Variants in HRK observed in about 807,000 individuals in gnomAD.
The protein encoded by HRK is harakiri, BCL2 interacting protein.
Under a neutral mutation model 5.9 loss-of-function variants are expected in HRK, and 6 were observed. The ratio of observed to expected loss-of-function variants is 1.02; its 90% CI spans 0.56 to 2.01. The LOEUF (loss-of-function observed/expected upper bound fraction) is 2.01, where lower values mean the gene tolerates loss of function less well. Among genes scored for constraint, HRK ranks in the 30% most tolerant of loss-of-function variants. The probability of loss-of-function intolerance (pLI) is 0.00; values close to 1 mark genes in which losing one functional copy is unlikely to be tolerated. For synonymous variants in HRK, 85 were observed against 65.1 expected, an observed-to-expected ratio of 1.31 and a Z score of -1.47; for missense variants, 133 against 128.3, an observed-to-expected ratio of 1.04 and a Z score of -0.18.
intron 1 of HRK, among the ~76,000 whole-genome samples, chr12:116,866,927 A>G (rs1179109019): frequency 6.6e-6 from 1 of 152,088 alleles, no homozygotes; most frequent in East Asian, 1.9e-4. Flanking sequence ...ATGTTATACT[A>G]TGCACATTCT....
At chr12:116,875,592 A>T (rs1432696470) in intron 1 of HRK, among the ~76,000 whole-genome samples, 1 of 152,084 alleles carries the variant, frequency 6.6e-6, no homozygotes, top group African/African-American at 2.4e-5. Flanking sequence ...CGCCCAGGCT[A>T]GAGTACAGTG....
chr12:116,877,411 G>T (rs1878975711), intron 1 of HRK, among the ~76,000 whole-genome samples: 1 of 152,070 alleles, frequency 6.6e-6, no homozygotes. Context: ...ACCCTGGAAG[G>T]ATACAGCTCC....
At chr12:116,873,328 A>T (rs1878825567) in intron 1 of HRK, among the ~76,000 whole-genome samples, 2 of 151,986 alleles carry the variant, frequency 1.3e-5, no homozygotes, top group Admixed American at 1.3e-4. Flanking sequence ...GCATTTTCCA[A>T]ATAGTTGCCA....
Position 116,881,163 on chromosome 12 carries a change from T to C in HRK, c.145A>G (p.Met49Val), listed in dbSNP as rs561976658. ...CGGCTCCGCGCGCGGCGCCGCCACATGGTGCGCTGGTGCAGCTCGTCGCCT... is the reference window on the plus strand; with the variant it reads ...CGGCTCCGCGCGCGGCGCCGCCACACGGTGCGCTGGTGCAGCTCGTCGCCT... ...ALGDELHQRT[M>V]WRRRARSRRA... Residue 49 changes from methionine (M) to valine (V), a missense_variant, in exon 1 of 2, where the codon ATG becomes GTG. Coordinates refer to ENST00000257572, the MANE Select transcript of HRK (RefSeq NM_003806.4). 8.5e-7 allele frequency: 1 copy of C among 1,170,762 alleles called. No homozygotes were observed. The highest frequency in any genetic ancestry group is 1.1e-6 in the Non-Finnish European group (1 of 951,494). The allele number at this position is 1,170,762 out of a possible 1,614,324, so 72.5% of individuals were successfully genotyped here.
In HRK at chr12:116,881,096, C is replaced by G; in HGVS notation, c.212G>C (p.Trp71Ser). 7.7e-7 allele frequency: 1 copy of G among 1,303,532 alleles called. No homozygotes were observed. 80.7% of individuals were successfully genotyped at this position (1,303,532 alleles called of 1,614,324 possible). ...APGALPTYWP[W>S]LCAAAQVAAL... is the part of the protein sequence containing the mutation. ...CGCCACCTGCGCGGCCGCGCACAGC[C>G]AAGGCCAGTAGGTGGGGAGCGCGCC... The change falls in exon 1 of 2, where the codon TGG (tryptophan) becomes TCG (serine). Residue 71 changes from tryptophan (W) to serine (S), a missense_variant. Transcript: ENST00000257572.
At position 116,862,847 on chromosome 12, in the gene HRK, C is replaced by T. The variant is rs1280820611; in HGVS notation, c.*57-1381G>A. Among the ~76,000 whole-genome samples, 2 of 152,128 alleles carry T rather than the reference C, an allele frequency of 1.3e-5. No homozygotes were observed. Among genetic ancestry groups the T allele is most frequent in the African/African-American group, 4.8e-5 (2 of 41,412 alleles). On this transcript the variant is annotated intron_variant, in intron 1 of 1. Transcript: ENST00000257572. The surrounding 1 kb of genome is among the most constrained non-coding windows in gnomAD (Gnocchi z 4.0). The stretch of plus-strand genomic sequence containing the variant: ...CCTGGGTTCAAGCAACCTCTGCCTC[C>T]TGCCTCAGCCTCCCAAGTAGCTGGG...
intron 1 of HRK, among the ~76,000 whole-genome samples, chr12:116,872,931 AGAGAAATGGCAGAAAGAAG>A (rs781754276): frequency 0.58 from 71,978 of 124,664 alleles, 21,857 homozygotes; most frequent in Admixed American, 0.69. Flanking sequence ...AAGAAAGGAA[AGAGAAATGGCAGAAAGAAG>A]GAAAGAAAAT....
rs942520529 is a variant in HRK, at chr12:116,878,753, G to A, written c.*56+2223C>T. Among the ~76,000 whole-genome samples the A allele has an allele frequency of 1.4e-4, 21 of 152,330 alleles. No homozygotes were observed. The highest frequency in any genetic ancestry group is 4.6e-4 in the African/African-American group (19 of 41,582). ...GAGGGTGTGGCTGCAGGGGACGCCCGGGCGGGACAAGGCAGGTAGGAGAAG... is the reference window on the plus strand; with the variant it reads ...GAGGGTGTGGCTGCAGGGGACGCCCAGGCGGGACAAGGCAGGTAGGAGAAG... On this transcript the variant is annotated intron_variant, in intron 1 of 1. Transcript: ENST00000257572. This position sits in a 1 kb window ranked among gnomAD's most constrained non-coding sequence, Gnocchi z 4.4.
intron 1 of HRK, among the ~76,000 whole-genome samples, chr12:116,877,468 C>G (rs752963634): frequency 2.0e-5 from 3 of 152,178 alleles, no homozygotes; most frequent in Non-Finnish European, 4.4e-5. Flanking sequence ...CTCAAGGTCA[C>G]GCTGTCAGCA....
At position 116,862,405 on chromosome 12, in the gene HRK, G is replaced by T. The variant is rs1444266275; in HGVS notation, c.*57-939C>A. 1.3e-5 allele frequency among the ~76,000 whole-genome samples: 2 copies of T among 152,326 alleles called. No individual in the cohort carries two copies. The highest frequency in any genetic ancestry group is 2.9e-5 in the Non-Finnish European group (2 of 68,038). ...AGCCATCAAAAAGGAATGAAGTATTGATACGTGAAGATGGATGAACCTTGA... is the reference window on the plus strand; with the variant it reads ...AGCCATCAAAAAGGAATGAAGTATTTATACGTGAAGATGGATGAACCTTGA... On this transcript the variant is annotated intron_variant, in intron 1 of 1. Coordinates refer to ENST00000257572, the MANE Select transcript of HRK (RefSeq NM_003806.4). This position sits in a 1 kb window ranked among gnomAD's most constrained non-coding sequence, Gnocchi z 4.0.
chr12:116,866,311 AC>A (rs1454808499), intron 1 of HRK, among the ~76,000 whole-genome samples: 3 of 150,864 alleles, frequency 2.0e-5, no homozygotes, highest in Non-Finnish European at 4.4e-5. Flanking sequence ...AATCCCTGCT[AC>A]TCAGGTGGCT....
At chr12:116,872,257 C>T (rs1219680997) in intron 1 of HRK, among the ~76,000 whole-genome samples, 1 of 151,982 alleles carries the variant, frequency 6.6e-6, no homozygotes, top group Non-Finnish European at 1.5e-5. Flanking sequence ...GTAATCCCAG[C>T]TACTCGGGAG....
intron 1 of HRK, among the ~76,000 whole-genome samples, chr12:116,863,094 C>T (rs1311505754): frequency 6.6e-6 from 1 of 152,110 alleles, no homozygotes; most frequent in African/African-American, 2.4e-5. Flanking sequence ...ACGTATCACC[C>T]GTTATTCTAA....
rs141619738 is a variant in HRK at position 116,862,708 on chromosome 12, T to TTTTGTTTG, written c.*57-1250_*57-1243dup. 1.3e-3 allele frequency among the ~76,000 whole-genome samples: 195 copies of TTTTGTTTG among 150,904 alleles called. No homozygotes were observed. The highest frequency in any genetic ancestry group is 5.7e-3 in the East Asian group (29 of 5,100). ...TTGTACACCTTAAAAAGGTAGGGTT[T>TTTTGTTTG]TTTGTTTGTTTGTTTGTTTGTTTGT... On this transcript the variant is annotated intron_variant, in intron 1 of 1. Coordinates refer to ENST00000257572, the MANE Select transcript of HRK (RefSeq NM_003806.4). This position sits in a 1 kb window ranked among gnomAD's most constrained non-coding sequence, Gnocchi z 4.0.
rs564471349 is a variant in HRK, at chr12:116,873,410, C to T, written c.*56+7566G>A. On this transcript the variant is annotated intron_variant, in intron 1 of 1. Coordinates refer to ENST00000257572, the MANE Select transcript of HRK (RefSeq NM_003806.4). ...TCTGAGACAGGGTCTCATTCTCTTG[C>T]CCAGCCTGTAGTACAGTGGTACGAT... is the stretch of plus-strand genomic sequence containing the variant. Among the ~76,000 whole-genome samples the T allele has an allele frequency of 2.0e-4, 30 of 152,308 alleles. No homozygotes were observed. The South Asian group carries it at 5.4e-3, about 27-fold the overall frequency.
In HRK at chr12:116,856,962, A is replaced by G. The variant is rs999346440; in HGVS notation, c.*4561T>C. The G allele has an allele frequency of 6.6e-6, 1 of 152,264 alleles. No individual in the cohort carries two copies. The highest frequency in any genetic ancestry group is 2.4e-5 in the African/African-American group (1 of 41,464). The allele number at this position is 152,264 out of a possible 1,614,324, so 9.4% of individuals were successfully genotyped here. Reference sequence around the variant, plus strand: ...GCTTGGGAGTGGCGAGCACGCCATAAAAGGTAGCTTTGATTATTGTGTAAA... The same window carrying G: ...GCTTGGGAGTGGCGAGCACGCCATAGAAGGTAGCTTTGATTATTGTGTAAA... On this transcript the variant is annotated 3_prime_UTR_variant, in exon 2 of 2. Coordinates refer to ENST00000257572, the MANE Select transcript of HRK (RefSeq NM_003806.4). This position sits in a 1 kb window ranked among gnomAD's most constrained non-coding sequence, Gnocchi z 4.4.
intron 1 of HRK, among the ~76,000 whole-genome samples, chr12:116,870,263 C>T (rs1174725676): frequency 1.3e-5 from 2 of 152,140 alleles, no homozygotes; most frequent in African/African-American, 2.4e-5. Context: ...TGTGCTAGCT[C>T]CAAGAATATT....
chr12:116,865,696 C>T (rs1347462150), intron 1 of HRK, among the ~76,000 whole-genome samples: 1 of 152,316 alleles, frequency 6.6e-6, no homozygotes, highest in East Asian at 1.9e-4. Context: ...GCCAGTATTA[C>T]CGGCTGGTTG....
chr12:116,860,445 T>G lies in HRK; in HGVS notation c.*1078A>C, dbSNP rs1565881369. The G allele has an allele frequency of 6.6e-6, 1 of 152,162 alleles. No individual in the cohort carries two copies. Among genetic ancestry groups the G allele is most frequent in the Admixed American group, 6.5e-5 (1 of 15,276 alleles). 9.4% of individuals were successfully genotyped at this position (152,162 alleles called of 1,614,324 possible). ...GAACAGAATGTAGCCATTTCTTGGC[T>G]CTTTAATCCATAAAACCTAAACCCT... On this transcript the variant is annotated 3_prime_UTR_variant, in exon 2 of 2. Coordinates refer to ENST00000257572, the MANE Select transcript of HRK (RefSeq NM_003806.4).
Sources: gnomAD v4.1 joint callset for allele counts (sites outside exome capture counted in the v4.1 genomes callset) on GRCh38, gnomAD v4.1.1 for gene constraint, Gnocchi (gnomAD v3.1) non-coding constraint, MANE v1.5 for transcripts, NCBI Gene and HGNC (gene_info 2026-07-23, HGNC 2026-07-21) for gene names.